The following LYZL2 variants were observed in gnomAD, a reference collection of about 807,000 sequenced individuals.
The protein encoded by LYZL2 is lysozyme like 2, also known as lysozyme-like protein 2.
LYZL2 carries 13 observed loss-of-function variants against 17.1 expected under a neutral mutation model. The ratio of observed to expected loss-of-function variants is 0.76; its 90% confidence interval spans 0.49 to 1.21. LYZL2 has a LOEUF of 1.21. Among genes scored for constraint, LYZL2 ranks in the 50% most tolerant of loss-of-function variants. The pLI, the probability that LYZL2 is intolerant of heterozygous loss-of-function variation, is 0.00. For synonymous variants in LYZL2, 63 were observed against 74.4 expected (o/e 0.85, Z 0.79); for missense variants, 166 against 189.2 (o/e 0.88, Z 0.72).
chr10:30,622,915 T>C (rs902399241), intron 3 of LYZL2, among the ~76,000 whole-genome samples: 4 of 152,172 alleles, frequency 2.6e-5, no homozygotes, highest in African/African-American at 9.7e-5. Context: ...ATAATTCACC[T>C]TAAATATAAA....
At chr10:30,616,510 C>A (rs1466843188) in intron 3 of LYZL2, among the ~76,000 whole-genome samples, 6 of 152,224 alleles carry the variant, frequency 3.9e-5, no homozygotes, top group African/African-American at 1.4e-4. Context: ...AAACATCCAT[C>A]TCAAAACAAA....
At chr10:30,610,639 C>T (rs913361956), downstream of LYZL2, among the ~76,000 whole-genome samples, 1 of 152,116 alleles carries the variant, frequency 6.6e-6, no homozygotes, top group Non-Finnish European at 1.5e-5. Flanking sequence ...TGCTATGTTG[C>T]CCAGGCTTGT....
rs376103607 is a variant in LYZL2 at position 30,615,253 on chromosome 10, G to C, written c.299-2353C>G. On this transcript the variant is annotated intron_variant, in intron 3 of 4. Transcript: ENST00000647634. ...TTTGCAACAACATGGAAGAACGGAA[G>C]GACGTCATGCTAAGTGAAGGAAGTG... is the stretch of plus-strand genomic sequence containing the variant. Among the ~76,000 whole-genome samples the C allele has an allele frequency of 1.1e-3, 163 of 152,324 alleles. 3 individuals are homozygous for C. The highest frequency in any genetic ancestry group is 3.7e-3 in the African/African-American group (155 of 41,572).
chr10:30,613,635 A>T (rs565186422), intron 3 of LYZL2, among the ~76,000 whole-genome samples: 2 of 152,270 alleles, frequency 1.3e-5, no homozygotes, highest in African/African-American at 4.8e-5. Context: ...TCTTAAAAAA[A>T]TTTTATCCAG....
chr10:30,627,109 C>A lies in LYZL2; in HGVS notation c.-25-169G>T, dbSNP rs2479063. Among the ~76,000 whole-genome samples the A allele has an allele frequency of 4.1e-3, 598 of 144,906 alleles. 3 individuals are homozygous for A. The highest frequency in any genetic ancestry group is 0.017 in the South Asian group (78 of 4,662). On this transcript the variant is annotated intron_variant, in intron 1 of 4. Coordinates refer to ENST00000647634, the MANE Select transcript of LYZL2 (RefSeq NM_183058.3). Reference sequence around the variant, plus strand: ...ACGGTCCAGGGAAGGAATGTGACTGCAGGCTGTCTCCTTAATGCTTTTCCA... The same window carrying A: ...ACGGTCCAGGGAAGGAATGTGACTGAAGGCTGTCTCCTTAATGCTTTTCCA...
chr10:30,620,287 C>T (rs957223388), intron 3 of LYZL2, among the ~76,000 whole-genome samples: 1 of 152,128 alleles, frequency 6.6e-6, no homozygotes, highest in Non-Finnish European at 1.5e-5. Context: ...AGAGGATCGC[C>T]CAGAACATGC....
At chr10:30,611,729 A>AAGAAAGAAAGAAAGAAAGAAAGAAAAGAG (rs1210546005), downstream of LYZL2, 3 of 513,446 alleles carry the variant, frequency 5.8e-6, no homozygotes, top group African/African-American at 7.4e-5. Flanking sequence ...AAAGAAAAGA[A>AAGAAAGAAAGAAAGAAAGAAAGAAAAGAG]AAGAAAGGAA....
intron 3 of LYZL2, among the ~76,000 whole-genome samples, chr10:30,621,636 G>T (rs771055149): frequency 5.3e-5 from 8 of 152,062 alleles, no homozygotes; most frequent in Non-Finnish European, 1.2e-4. Context: ...TGTCAGCCCA[G>T]AATTTTATAT....
chr10:30,618,527 C>T lies in LYZL2; in HGVS notation c.299-5627G>A, dbSNP rs531703797. On this transcript the variant is annotated intron_variant, in intron 3 of 4. Coordinates refer to ENST00000647634, the MANE Select transcript of LYZL2 (RefSeq NM_183058.3). ...AGCCCTCAGAAATAATACTGCATATCTACAACTATGTGATCTTTGACAAAC... is the reference window on the plus strand; with the variant it reads ...AGCCCTCAGAAATAATACTGCATATTTACAACTATGTGATCTTTGACAAAC... Among the ~76,000 whole-genome samples, 693 of 152,314 alleles carry T rather than the reference C, an allele frequency of 4.5e-3. 7 individuals are homozygous for T. Among genetic ancestry groups the T allele is most frequent in the African/African-American group, 0.016 (668 of 41,564 alleles).
At chr10:30,625,312 A>T (rs1838685072) in intron 3 of LYZL2, among the ~76,000 whole-genome samples, 1 of 152,288 alleles carries the variant, frequency 6.6e-6, no homozygotes, top group Admixed American at 6.5e-5. Context: ...GTTGGACAAG[A>T]TTCTCTCCTT....
chr10:30,607,734 C>T (rs1477469680), downstream of LYZL2, among the ~76,000 whole-genome samples: 1 of 152,096 alleles, frequency 6.6e-6, no homozygotes, highest in Non-Finnish European at 1.5e-5. Context: ...CAGATCAGGA[C>T]CCTAAGCTCT....
chr10:30,607,489 T>C (rs1358294303), downstream of LYZL2, among the ~76,000 whole-genome samples: 1 of 152,172 alleles, frequency 6.6e-6, no homozygotes, highest in African/African-American at 2.4e-5. Context: ...CTTCCTCTTC[T>C]CTTTCTGTTA....
chr10:30,621,560 T>A (rs1838619649), intron 3 of LYZL2, among the ~76,000 whole-genome samples: 1 of 152,090 alleles, frequency 6.6e-6, no homozygotes, highest in Non-Finnish European at 1.5e-5. Context: ...CTCACAGTGT[T>A]GTTCTGAGAC....
chr10:30,621,401 G>A (rs1423237518), intron 3 of LYZL2, among the ~76,000 whole-genome samples: 4 of 150,488 alleles, frequency 2.7e-5, no homozygotes, highest in African/African-American at 9.7e-5. Context: ...GTAACATGAC[G>A]AGACCCCATC....
chr10:30,621,601 A>C (rs114496239), intron 3 of LYZL2, among the ~76,000 whole-genome samples: 2,169 of 152,286 alleles, frequency 0.014, 60 homozygotes, highest in African/African-American at 0.05. Flanking sequence ...AACAACAACA[A>C]TAACAACTTG....
At chr10:30,614,556 C>T (rs953936546) in intron 3 of LYZL2, among the ~76,000 whole-genome samples, 26 of 152,232 alleles carry the variant, frequency 1.7e-4, no homozygotes, top group Non-Finnish European at 2.2e-4. Context: ...ATCTGGGAGG[C>T]CCATCTCCAT....
At chr10:30,616,545 AG>A (rs1230938050) in intron 3 of LYZL2, among the ~76,000 whole-genome samples, 1 of 152,234 alleles carries the variant, frequency 6.6e-6, no homozygotes, top group Non-Finnish European at 1.5e-5. Flanking sequence ...ACAACAAAAA[AG>A]TCTTTTGCCT....
intron 3 of LYZL2, among the ~76,000 whole-genome samples, chr10:30,617,504 G>A (rs980388580): frequency 6.6e-6 from 1 of 151,668 alleles, no homozygotes; most frequent in Non-Finnish European, 1.5e-5. Flanking sequence ...GGCAAAACCT[G>A]TCTCTACTAA....
chr10:30,624,921 C>T (rs1436048878), intron 3 of LYZL2, among the ~76,000 whole-genome samples: 6 of 152,134 alleles, frequency 3.9e-5, no homozygotes, highest in African/African-American at 7.2e-5. Context: ...GAAAGGGACT[C>T]GACCCACTAT....
Sources: allele counts gnomAD v4.1 joint callset (sites outside exome capture counted in the v4.1 genomes callset), GRCh38; gene constraint gnomAD v4.1.1; transcripts MANE v1.5; gene names NCBI Gene and HGNC (gene_info 2026-07-23, HGNC 2026-07-21).